Variants in ADCY3 observed in about 807,000 individuals in gnomAD.
ADCY3 encodes the protein adenylate cyclase 3.
Under a neutral mutation model 119.4 loss-of-function variants are expected in ADCY3, and 70 were observed. The observed-to-expected ratio is 0.59, with a 90% confidence interval of 0.48 to 0.72. The LOEUF (loss-of-function observed/expected upper bound fraction) is 0.72, where lower values mean the gene tolerates loss of function less well. Among genes scored for constraint, ADCY3 ranks in the 30% least tolerant of loss-of-function variants. The pLI is 0.00. For synonymous variants in ADCY3, 672 were observed against 621.4 expected (o/e 1.08, Z -1.21); for missense variants, 1,238 against 1,541.6 (o/e 0.80, Z 3.30).
chr2:24,901,827 CCAAA>C (rs1193230731), intron 2 of ADCY3, among the ~76,000 whole-genome samples: 23 of 149,956 alleles, frequency 1.5e-4, no homozygotes, highest in Non-Finnish European at 2.2e-4. Context: ...ACAAGGAATA[CCAAA>C]CAGAGTACCT....
At chr2:24,854,701 A>C (rs1572898418) in intron 3 of ADCY3, among the ~76,000 whole-genome samples, 1 of 152,236 alleles carries the variant, frequency 6.6e-6, no homozygotes, top group African/African-American at 2.4e-5. Flanking sequence ...CAATGTACCA[A>C]TGTTGCGGGG....
rs1667296237 is a variant in ADCY3 at position 24,819,947 on chromosome 2, C to G, written c.3420G>C (p.Val1140=). The stretch of plus-strand genomic sequence containing the variant: ...TCGAGGCCATTCAGGAGTTGTCCAC[C>G]ACCTGGTGGGGCAGTGTGACAGAGG... ...NGPSVTLPHQ[V]VDNS Residue 1140 remains valine (V), a synonymous_variant, in exon 22 of 22, where the codon GTG becomes GTC. Transcript: ENST00000679454. 6.2e-7 allele frequency: 1 copy of G among 1,613,930 alleles called. No homozygotes were observed. The highest frequency in any genetic ancestry group is 8.5e-7 in the Non-Finnish European group (1 of 1,179,914).
chr2:24,820,540 G>A (rs987051211), intron 21 of ADCY3, 184 bp downstream of exon 21: 40 of 1,403,496 alleles, frequency 2.9e-5, no homozygotes, highest in South Asian at 1.5e-5. Context: ...GTGGATGGGT[G>A]GAAGTGTTTC....
At chr2:24,871,190 G>C (rs1475920754) in intron 3 of ADCY3, among the ~76,000 whole-genome samples, 1 of 151,392 alleles carries the variant, frequency 6.6e-6, no homozygotes, top group East Asian at 1.9e-4. Context: ...TGCGAGATCA[G>C]ATACAAACAA....
At position 24,821,042 on chromosome 2, in the gene ADCY3, C is replaced by G. The variant is rs983172099; in HGVS notation, c.3128-194G>C. The G allele has an allele frequency of 3.1e-5, 22 of 720,288 alleles. No individual in the cohort carries two copies. The East Asian group carries it at 6.3e-4, about 21-fold the overall frequency. The allele number at this position is 720,288 out of a possible 1,614,324, so 44.6% of individuals were successfully genotyped here. ...TATCCGTGTGCTTGTTAGGTGTCAG[C>G]CGCCACCCCCCCCCCATATGCAGAT... On this transcript the variant is annotated intron_variant, in intron 20 of 21. Transcript: ENST00000679454.
Position 24,842,780 on chromosome 2 carries a change from C to T in ADCY3, c.826-396G>A, listed in dbSNP as rs532621009. On this transcript the variant is annotated intron_variant, in intron 3 of 21. Coordinates refer to ENST00000679454, the MANE Select transcript of ADCY3 (RefSeq NM_004036.5). This position sits in a 1 kb window ranked among gnomAD's most constrained non-coding sequence, Gnocchi z 4.9. ...GCCACGGCTGCACAGAGCCATCGCTCACAAAATTCTGCTTTGACCTGATCA... is the reference window on the plus strand; with the variant it reads ...GCCACGGCTGCACAGAGCCATCGCTTACAAAATTCTGCTTTGACCTGATCA... 6.2e-4 allele frequency among the ~76,000 whole-genome samples: 95 copies of T among 152,328 alleles called. 2 individuals carry two copies. Among genetic ancestry groups the T allele is most frequent in the African/African-American group, 2.2e-3 (91 of 41,578 alleles).
chr2:24,821,719 T>A, intron 19 of ADCY3, 79 bp from the exon 20 acceptor site: 1 of 1,563,580 alleles, frequency 6.4e-7, no homozygotes, highest in East Asian at 2.3e-5. Context: ...CTGGCAGTGT[T>A]CTGGGGGTGG....
Position 24,918,504 on chromosome 2 carries a change from C to A in ADCY3, c.484G>T (p.Ala162Ser). The A allele has an allele frequency of 6.2e-7, 1 of 1,613,892 alleles. No homozygotes were observed. Among genetic ancestry groups the A allele is most frequent in the Non-Finnish European group, 8.5e-7 (1 of 1,179,908 alleles). Residue 162 changes from alanine (A) to serine (S), a missense_variant, in exon 2 of 22, where the codon GCC becomes TCC. Ala to Ser is a moderately conservative substitution (Grantham distance 99). This residue lies in a region of ADCY3 where 227 missense variants were observed against 249.3 expected (regional missense o/e 0.91). Transcript: ENST00000679454. The surrounding 1 kb of genome is among the most constrained non-coding windows in gnomAD (Gnocchi z 5.4). ...FSYLGLNFAR[A>S]HAASDTVGWQ... is the part of the protein sequence containing the mutation. ...CCCACCGTGTCACTAGCCGCGTGGG[C>A]ACGCGCGAAGTTCAGGCCCAGGTAG...
intron 3 of ADCY3, among the ~76,000 whole-genome samples, chr2:24,857,982 G>A (rs1254188841): frequency 7.1e-6 from 1 of 141,840 alleles, no homozygotes; most frequent in East Asian, 2.0e-4. Flanking sequence ...TGAAATACTT[G>A]TGGTCTGAAT....
chr2:24,869,777 T>C (rs920924818), intron 3 of ADCY3, among the ~76,000 whole-genome samples: 5 of 152,106 alleles, frequency 3.3e-5, no homozygotes, highest in African/African-American at 9.7e-5. Flanking sequence ...CTTCAAACTA[T>C]CAGGGGTTAG....
chr2:24,843,965 G>T (rs938605486), intron 3 of ADCY3, among the ~76,000 whole-genome samples: 3 of 152,196 alleles, frequency 2.0e-5, no homozygotes, highest in African/African-American at 4.8e-5. Context: ...GAAGGATGGT[G>T]GGGGGCACTT....
At chr2:24,893,813 G>A (rs1412240398) in intron 2 of ADCY3, among the ~76,000 whole-genome samples, 1 of 150,934 alleles carries the variant, frequency 6.6e-6, no homozygotes, top group Non-Finnish European at 1.5e-5. Flanking sequence ...TCACCATGTT[G>A]CCCAGGCTGG....
intron 3 of ADCY3, among the ~76,000 whole-genome samples, chr2:24,862,545 CA>C (rs3037308): frequency 1.9e-4 from 27 of 139,324 alleles, no homozygotes; most frequent in East Asian, 4.2e-4. Flanking sequence ...GACTCCGCCT[CA>C]AAAAAAAAAA....
chr2:24,854,865 C>T (rs1407652964), intron 3 of ADCY3, among the ~76,000 whole-genome samples: 1 of 152,128 alleles, frequency 6.6e-6, no homozygotes. Context: ...GCCTGGGCCA[C>T]ATGGTGAAAC....
Position 24,831,720 on chromosome 2 carries a change from A to C in ADCY3, c.1997T>G (p.Val666Gly). The C allele has an allele frequency of 6.2e-7, 1 of 1,613,504 alleles. No homozygotes were observed. The highest frequency in any genetic ancestry group is 8.5e-7 in the Non-Finnish European group (1 of 1,179,818). The change falls in exon 12 of 22, where the codon GTG becomes GGG. Residue 666 changes from valine (V) to glycine (G), a missense_variant. Physicochemically the swap from Val to Gly is moderately radical, Grantham distance 109 (BLOSUM62 -3). Coordinates refer to ENST00000679454, the MANE Select transcript of ADCY3 (RefSeq NM_004036.5). ...WLMTNYVTFMVGEILLLILTI... is the reference protein window; with the variant it reads ...WLMTNYVTFMGGEILLLILTI... ...CAGGATGAGGAGCAGAATCTCCCCC[A>C]CCATGAAGGTCACATAGTTTGTCAT...
intron 17 of ADCY3, among the ~76,000 whole-genome samples, chr2:24,823,688 TAC>T (rs1466352578): frequency 9.8e-6 from 1 of 101,566 alleles, no homozygotes; most frequent in Non-Finnish European, 2.0e-5. Flanking sequence ...AGCTCATCGC[TAC>T]TTTTTTTTTT....
chr2:24,904,681 G>A (rs962172848), intron 2 of ADCY3, among the ~76,000 whole-genome samples: 5 of 151,558 alleles, frequency 3.3e-5, no homozygotes, highest in East Asian at 1.9e-4. Context: ...CATCTCTGTC[G>A]CCCAGGCTGG....
chr2:24,896,064 T>G (rs1397394683), intron 2 of ADCY3, among the ~76,000 whole-genome samples: 1 of 152,206 alleles, frequency 6.6e-6, no homozygotes, highest in Non-Finnish European at 1.5e-5. Context: ...TTCATTTACA[T>G]GCTTGATCAA....
rs140705147 is a variant in ADCY3, at chr2:24,843,744, G to A, written c.826-1360C>T. Reference sequence around the variant, plus strand: ...CTGAGGCGCTGTGGGGCCTCTGTGCGGGCACCTGCAGGCAGCGCTCAGGAG... The same window carrying A: ...CTGAGGCGCTGTGGGGCCTCTGTGCAGGCACCTGCAGGCAGCGCTCAGGAG... On this transcript the variant is annotated intron_variant, in intron 3 of 21. Coordinates refer to ENST00000679454, the MANE Select transcript of ADCY3 (RefSeq NM_004036.5). 3.9e-5 allele frequency among the ~76,000 whole-genome samples: 6 copies of A among 152,236 alleles called. No homozygotes were observed. In the South Asian group the frequency reaches 6.2e-4, roughly 16 times the overall value.
Sources: allele counts gnomAD v4.1 joint callset (sites outside exome capture counted in the v4.1 genomes callset), GRCh38; gene constraint gnomAD v4.1.1; regional missense constraint gnomAD v4.1.1; non-coding constraint Gnocchi (gnomAD v3.1); transcripts MANE v1.5; gene names NCBI Gene and HGNC (gene_info 2026-07-23, HGNC 2026-07-21).